FZD5: variants seen among roughly 807,000 people sequenced by gnomAD.
FZD5 encodes the protein frizzled class receptor 5, also known as frizzled-5.
FZD5 carries 12 observed loss-of-function variants against 40.8 expected under a neutral mutation model. That is an observed-to-expected ratio of 0.29 (90% CI 0.19 to 0.48). The LOEUF (loss-of-function observed/expected upper bound fraction) is 0.48, where lower values mean the gene tolerates loss of function less well. Among genes scored for constraint, FZD5 ranks in the 20% least tolerant of loss-of-function variants. FZD5 has a pLI of 0.99. For missense variants in FZD5, 622 were observed against 832.8 expected (o/e 0.75, Z 3.12); for synonymous variants, 380 against 383.7 (o/e 0.99, Z 0.11).
At position 207,767,074 on chromosome 2, in the gene FZD5, A is replaced by C. The variant is rs775195522; in HGVS notation, c.1666T>G (p.Tyr556Asp). The C allele has an allele frequency of 1.3e-6, 2 of 1,591,516 alleles. No homozygotes were observed. The highest frequency in any genetic ancestry group is 1.7e-6 in the Non-Finnish European group (2 of 1,170,998). Residue 556 changes from tyrosine (Y) to aspartate (D), a missense_variant, in exon 2 of 2, where the codon TAC (tyrosine) becomes GAC (aspartate). Physicochemically the swap from Tyr to Asp is radical, Grantham distance 160. This residue lies in a region of FZD5 where 154 missense variants were observed against 152.1 expected (regional missense o/e 1.01). Coordinates refer to ENST00000295417, the MANE Select transcript of FZD5 (RefSeq NM_003468.4). ...GTGAGCGCGGCGCTCGCCTCGGGGT[A>C]GTCCCCTGCGGCCATGGCGCCCCCG... The part of the protein sequence containing the change: ...KSGGAMAAGD[Y>D]PEASAALTGR...
At position 207,768,744 on chromosome 2, in the gene FZD5, C is replaced by T. The variant is rs1424673672; in HGVS notation, c.-5G>A. 6.5e-7 allele frequency: 1 copy of T among 1,538,570 alleles called. No homozygotes were observed. The highest frequency in any genetic ancestry group is 1.2e-5 in the South Asian group (1 of 81,142). On this transcript the variant is annotated 5_prime_UTR_variant, in exon 2 of 2. Coordinates refer to ENST00000295417, the MANE Select transcript of FZD5 (RefSeq NM_003468.4). ...GGATGGGTCAGGCCGAGCCATCGCC[C>T]CCTCCCTCCCCTCGCCTCCAGCAGC...
In FZD5 at chr2:207,769,887, C is replaced by A. The variant is rs1044937331; in HGVS notation, c.-878G>T. Among the ~76,000 whole-genome samples the A allele has an allele frequency of 6.6e-6, 1 of 152,032 alleles. No individual in the cohort carries two copies. Among genetic ancestry groups the A allele is most frequent in the African/African-American group, 2.4e-5 (1 of 41,430 alleles). On this transcript the variant is annotated 5_prime_UTR_variant, in exon 1 of 2. Transcript: ENST00000295417. ...GGCGGCGACCACAGCGGACTCACGG[C>A]CGCAGGCTGGCTGCCCTCTCCCGCC...
At chr2:207,769,138 A>C in intron 1 of FZD5, 127 bp downstream of exon 1, 1 of 189,666 alleles carries the variant, frequency 5.3e-6, no homozygotes. Context: ...TAACCAAACT[A>C]CCGACTCCCC....
rs765613441 is a variant in FZD5 at position 207,768,332 on chromosome 2, G to C, written c.408C>G (p.Leu136=). The C allele has an allele frequency of 3.0e-5, 46 of 1,555,224 alleles. No homozygotes were observed. In the African/African-American group the frequency reaches 5.1e-4, roughly 17 times the overall value. ...CCTCGGCGTCGCGGCCCAGCACCGG[G>C]AGGCGGTCGCAGCTCATGCGCTCGG... is the stretch of plus-strand genomic sequence containing the variant. ...AWPERMSCDR[L]PVLGRDAEVL... Residue 136 remains leucine (L), a synonymous_variant, in exon 2 of 2, where the codon CTC becomes CTG. Coordinates refer to ENST00000295417, the MANE Select transcript of FZD5 (RefSeq NM_003468.4).
In FZD5 at chr2:207,762,655, GAACA is replaced by G. The variant is rs1193400922; in HGVS notation, c.*4323_*4326del. On this transcript the variant is annotated 3_prime_UTR_variant, in exon 2 of 2. Coordinates refer to ENST00000295417, the MANE Select transcript of FZD5 (RefSeq NM_003468.4). ...TTTAAAATTTATCTACATTAATTGG[GAACA>G]AAGAAAAATAGACATTTCTTTGTTT... The G allele has an allele frequency of 2.0e-5, 3 of 152,432 alleles. No homozygotes were observed. Among genetic ancestry groups the G allele is most frequent in the African/African-American group, 7.2e-5 (3 of 41,390 alleles). 9.4% of individuals were successfully genotyped at this position (152,432 alleles called of 1,614,324 possible).
Position 207,763,359 on chromosome 2 carries a change from T to C in FZD5, c.*3623A>G, listed in dbSNP as rs1401289053. The C allele has an allele frequency of 6.6e-6, 1 of 152,636 alleles. No homozygotes were observed. Among genetic ancestry groups the C allele is most frequent in the Non-Finnish European group, 1.5e-5 (1 of 68,036 alleles). The allele number at this position is 152,636 out of a possible 1,614,324, so 9.5% of individuals were successfully genotyped here. ...TTTGAGAGTCTTGACTCAGGTTAGC[T>C]ACTTATATTCTGCCTACTCTTCACC... On this transcript the variant is annotated 3_prime_UTR_variant, in exon 2 of 2. Coordinates refer to ENST00000295417, the MANE Select transcript of FZD5 (RefSeq NM_003468.4).
rs1165473405 is a variant in FZD5 at position 207,766,465 on chromosome 2, G to A, written c.*517C>T. On this transcript the variant is annotated 3_prime_UTR_variant, in exon 2 of 2. Coordinates refer to ENST00000295417, the MANE Select transcript of FZD5 (RefSeq NM_003468.4). ...ACTGCAGCTCACCTTAAAGAATCAT[G>A]GACACTTTAAGCAGTGGAAGGAGAA... The A allele has an allele frequency of 6.6e-6, 1 of 152,578 alleles. No individual in the cohort carries two copies. Among genetic ancestry groups the A allele is most frequent in the Non-Finnish European group, 1.5e-5 (1 of 68,092 alleles). 9.5% of individuals were successfully genotyped at this position (152,578 alleles called of 1,614,324 possible).
rs1221533881 is a variant in FZD5 at position 207,769,620 on chromosome 2, G to C, written c.-611C>G. The C allele has an allele frequency of 6.6e-6, 1 of 152,212 alleles. No homozygotes were observed. The highest frequency in any genetic ancestry group is 1.5e-5 in the Non-Finnish European group (1 of 68,114). The allele number at this position is 152,212 out of a possible 1,614,324, so 9.4% of individuals were successfully genotyped here. ...CTGGGCGGGAGGAAGGCGGGAGGCG[G>C]GGGCCGTGGGACCCCGCCGCCTCAC... is the stretch of plus-strand genomic sequence containing the variant. On this transcript the variant is annotated 5_prime_UTR_variant, in exon 1 of 2. Coordinates refer to ENST00000295417, the MANE Select transcript of FZD5 (RefSeq NM_003468.4).
chr2:207,769,754 G>A lies in FZD5; in HGVS notation c.-745C>T, dbSNP rs898388927. On this transcript the variant is annotated 5_prime_UTR_variant, in exon 1 of 2. Coordinates refer to ENST00000295417, the MANE Select transcript of FZD5 (RefSeq NM_003468.4). Reference sequence around the variant, plus strand: ...CCCCTGCAGGGGGCTCCGCGCTCCAGTGGACTCCTGGGGGCGGTGGCGACG... The same window carrying A: ...CCCCTGCAGGGGGCTCCGCGCTCCAATGGACTCCTGGGGGCGGTGGCGACG... 6.6e-6 allele frequency among the ~76,000 whole-genome samples: 1 copy of A among 151,980 alleles called. No individual in the cohort carries two copies. The highest frequency in any genetic ancestry group is 2.4e-5 in the African/African-American group (1 of 41,406).
In FZD5 at chr2:207,762,764, A is replaced by ATT. The variant is rs1415429495; in HGVS notation, c.*4216_*4217dup. ...TTCCCACAAATATAATACATACAAAATTTTTCTGAAGTAAGGTCAACAAAT... is the reference window on the plus strand; with the variant it reads ...TTCCCACAAATATAATACATACAAAATTTTTTTCTGAAGTAAGGTCAACAAAT... On this transcript the variant is annotated 3_prime_UTR_variant, in exon 2 of 2. Coordinates refer to ENST00000295417, the MANE Select transcript of FZD5 (RefSeq NM_003468.4). The ATT allele has an allele frequency of 6.6e-6, 1 of 152,608 alleles. No homozygotes were observed. The highest frequency in any genetic ancestry group is 2.4e-5 in the African/African-American group (1 of 41,454). The allele number at this position is 152,608 out of a possible 1,614,324, so 9.5% of individuals were successfully genotyped here.
Position 207,767,333 on chromosome 2 carries a change from C to G in FZD5, c.1407G>C (p.Leu469=). The G allele has an allele frequency of 6.2e-7, 1 of 1,612,194 alleles. No individual in the cohort carries two copies. The highest frequency in any genetic ancestry group is 1.6e-4 in the Middle Eastern group (1 of 6,062). The change falls in exon 2 of 2, where the codon CTG becomes CTC. Residue 469 remains leucine, a synonymous_variant. Transcript: ENST00000295417. Reference sequence around the variant, plus strand: ...AGCTCTCGCGGTAGTGCTGCTCGTACAGGTAGCAGGCCACCACAATGCTGG... The same window carrying G: ...AGCTCTCGCGGTAGTGCTGCTCGTAGAGGTAGCAGGCCACCACAATGCTGG... The part of the protein sequence containing the change: ...VPASIVVACY[L]YEQHYRESWE...
rs1459633658 is a variant in FZD5 at position 207,766,228 on chromosome 2, C to G, written c.*754G>C. 1 of 152,128 alleles carries G rather than the reference C, an allele frequency of 6.6e-6. No homozygotes were observed. Among genetic ancestry groups the G allele is most frequent in the African/African-American group, 2.4e-5 (1 of 41,412 alleles). The allele number at this position is 152,128 out of a possible 1,614,324, so 9.4% of individuals were successfully genotyped here. A position where few individuals can be genotyped will look rare whatever the true frequency, so the allele number is the denominator to read the frequency against. ...CTACTGCAAATATTTATGCCAGATCCTCTATAATGCTACCTCTAACTTATT... is the reference window on the plus strand; with the variant it reads ...CTACTGCAAATATTTATGCCAGATCGTCTATAATGCTACCTCTAACTTATT... On this transcript the variant is annotated 3_prime_UTR_variant, in exon 2 of 2. Transcript: ENST00000295417.
rs1299058906 is a variant in FZD5, at chr2:207,766,772, A to G, written c.*210T>C. 2 of 412,266 alleles carry G rather than the reference A, an allele frequency of 4.9e-6. No individual in the cohort carries two copies. The highest frequency in any genetic ancestry group is 8.5e-6 in the Non-Finnish European group (2 of 234,482). The allele number at this position is 412,266 out of a possible 1,614,324, so 25.5% of individuals were successfully genotyped here. Reference sequence around the variant, plus strand: ...GGGTTCCCATAAAGAAGGCAGTAAGAAACGCAAAATAGAATACACGTGAGC... The same window carrying G: ...GGGTTCCCATAAAGAAGGCAGTAAGGAACGCAAAATAGAATACACGTGAGC... On this transcript the variant is annotated 3_prime_UTR_variant, in exon 2 of 2. Transcript: ENST00000295417.
In FZD5 at chr2:207,767,558, G is replaced by T; in HGVS notation, c.1182C>A (p.Asn394Lys). ...DPVAGICYVG[N>K]QNLNSLRGFV... ...AGCCGCGCAGCGAGTTCAGGTTCTG[G>T]TTGCCCACGTAGCAGATGCCGGCCA... The change falls in exon 2 of 2, where the codon AAC (asparagine) becomes AAA (lysine). Residue 394 changes from asparagine to lysine, a missense_variant. By Grantham distance (94) the Asn-to-Lys change is moderately conservative. Coordinates refer to ENST00000295417, the MANE Select transcript of FZD5 (RefSeq NM_003468.4). 6.2e-7 allele frequency: 1 copy of T among 1,611,208 alleles called. No homozygotes were observed.
rs139202692 is a variant in FZD5, at chr2:207,767,451, C to A, written c.1289G>T (p.Arg430Leu). The A allele has an allele frequency of 2.5e-6, 4 of 1,611,746 alleles. No homozygotes were observed. Among genetic ancestry groups the A allele is most frequent in the Non-Finnish European group, 3.4e-6 (4 of 1,179,940 alleles). ...GGTGCCGCCCTGCTTGATGACGCTGCGGATGCGGAAGAGCGACACGAAGCC... is the reference window on the plus strand; with the variant it reads ...GGTGCCGCCCTGCTTGATGACGCTGAGGATGCGGAAGAGCGACACGAAGCC... ...LAGFVSLFRI[R>L]SVIKQGGTKT... Residue 430 changes from arginine to leucine, a missense_variant, in exon 2 of 2, where the codon CGC becomes CTC. Physicochemically the swap from Arg to Leu is moderately radical, Grantham distance 102. Around this residue, in one of 4 missense-constraint regions of FZD5, gnomAD observed 208 missense variants for 348.9 expected, o/e 0.60. Coordinates refer to ENST00000295417, the MANE Select transcript of FZD5 (RefSeq NM_003468.4).
In FZD5 at chr2:207,768,461, G is replaced by T; in HGVS notation, c.279C>A (p.Ile93=). ...GCGGCTTGTGGTAGTCGGGCAGACA[G>T]ATGGGCGTGTACATAGAGCATAGGA... The part of the protein sequence containing the change: ...RFFLCSMYTP[I]CLPDYHKPLP... Residue 93 remains isoleucine (I), a synonymous_variant, in exon 2 of 2, where the codon ATC becomes ATA. Transcript: ENST00000295417. 1 of 1,612,180 alleles carries T rather than the reference G, an allele frequency of 6.2e-7. No homozygotes were observed. Among genetic ancestry groups the T allele is most frequent in the Non-Finnish European group, 8.5e-7 (1 of 1,179,824 alleles).
Position 207,765,882 on chromosome 2 carries a change from T to C in FZD5, c.*1100A>G, listed in dbSNP as rs2105850386. On this transcript the variant is annotated 3_prime_UTR_variant, in exon 2 of 2. Transcript: ENST00000295417. ...AGGAATAAGAAAAGCAAAAAGGCTG[T>C]TTAACATGATAAAGGGGGAGGGGGG... The C allele has an allele frequency of 6.6e-6, 1 of 151,330 alleles. No homozygotes were observed. Among genetic ancestry groups the C allele is most frequent in the South Asian group, 2.1e-4 (1 of 4,732 alleles). The allele number at this position is 151,330 out of a possible 1,614,324, so 9.4% of individuals were successfully genotyped here.
rs2092002595 is a variant in FZD5 at position 207,769,839 on chromosome 2, C to G, written c.-830G>C. ...CGCTCTCGCACCCTTTCGCCCACCTCTGGCGAGCACGGAACCGCGCGCGGC... is the reference window on the plus strand; with the variant it reads ...CGCTCTCGCACCCTTTCGCCCACCTGTGGCGAGCACGGAACCGCGCGCGGC... On this transcript the variant is annotated 5_prime_UTR_variant, in exon 1 of 2. Transcript: ENST00000295417. 1.3e-5 allele frequency among the ~76,000 whole-genome samples: 2 copies of G among 152,054 alleles called. No homozygotes were observed. Among genetic ancestry groups the G allele is most frequent in the Admixed American group, 6.6e-5 (1 of 15,262 alleles).
At position 207,768,939 on chromosome 2, in the gene FZD5, C is replaced by G. The variant is rs1011051167; in HGVS notation, c.-200G>C. The G allele has an allele frequency of 1.5e-5, 9 of 598,514 alleles. No individual in the cohort carries two copies. The African/African-American group carries it at 1.7e-4, about 12-fold the overall frequency. The allele number at this position is 598,514 out of a possible 1,614,324, so 37.1% of individuals were successfully genotyped here. On this transcript the variant is annotated 5_prime_UTR_variant, in exon 2 of 2. Transcript: ENST00000295417. ...TGCCTCCGCTGGCAGCGCTCCGCTC[C>G]TCGCCGGATAGGGCTGGGGAGAGAC...
Sources: allele counts gnomAD v4.1 joint callset (sites outside exome capture counted in the v4.1 genomes callset), GRCh38; gene constraint gnomAD v4.1.1; regional missense constraint gnomAD v4.1.1; transcripts MANE v1.5; gene names NCBI Gene and HGNC (gene_info 2026-07-23, HGNC 2026-07-21).